The following ASCC1 variants were observed in gnomAD, a reference collection of about 807,000 sequenced individuals.
The protein encoded by ASCC1 is ASC-1 complex subunit P50.
In ASCC1, 35 loss-of-function variants were observed where a neutral mutation model predicts 46.6. The observed-to-expected ratio is 0.75, with a 90% CI of 0.57 to 0.99. The LOEUF (loss-of-function observed/expected upper bound fraction) is 0.99, where lower values mean the gene tolerates loss of function less well. Ranked by LOEUF, ASCC1 falls within the 50% of genes least tolerant of loss-of-function variation. The pLI is 0.00. For synonymous variants in ASCC1, 143 were observed against 146.6 expected (o/e 0.98, Z 0.18); for missense variants, 376 against 428.7 (o/e 0.88, Z 1.09).
chr10:72,196,670 A>G (rs1456957575), intron 5 of ASCC1, 141 bp downstream of exon 5: 17 of 848,116 alleles, frequency 2.0e-5, no homozygotes, highest in Non-Finnish European at 2.9e-5. Flanking sequence ...TTTCAGTTCA[A>G]TATAAGAAGC....
chr10:72,149,537 G>A (rs1162032091), intron 7 of ASCC1, among the ~76,000 whole-genome samples: 1 of 149,226 alleles, frequency 6.7e-6, no homozygotes, highest in Non-Finnish European at 1.5e-5. Context: ...GGTAAATACT[G>A]ACAGATACAA....
At chr10:72,137,306 A>G (rs1321669390) in intron 7 of ASCC1, among the ~76,000 whole-genome samples, 1 of 152,014 alleles carries the variant, frequency 6.6e-6, no homozygotes, top group Non-Finnish European at 1.5e-5. Context: ...AGGCGTGCAG[A>G]TCACGAGGTC....
chr10:72,197,600 G>C (rs1317319216), intron 4 of ASCC1, among the ~76,000 whole-genome samples: 1 of 151,834 alleles, frequency 6.6e-6, no homozygotes, highest in Non-Finnish European at 1.5e-5. Context: ...AAAAAGTTTG[G>C]TAATTCCTTA....
At chr10:72,119,321 A>C (rs1243966707) in intron 9 of ASCC1, among the ~76,000 whole-genome samples, 1 of 152,204 alleles carries the variant, frequency 6.6e-6, no homozygotes, top group Non-Finnish European at 1.5e-5. Flanking sequence ...ATTTTACCAG[A>C]GCCTAACCTG....
intron 5 of ASCC1, among the ~76,000 whole-genome samples, chr10:72,180,265 C>T (rs1852404878): frequency 6.7e-6 from 1 of 148,860 alleles, no homozygotes; most frequent in South Asian, 2.1e-4. Flanking sequence ...GGCAACAGAG[C>T]GAGACCCCGT....
chr10:72,135,358 G>A (rs924978502), intron 7 of ASCC1, among the ~76,000 whole-genome samples: 1 of 152,082 alleles, frequency 6.6e-6, no homozygotes, highest in African/African-American at 2.4e-5. Flanking sequence ...GAATGGGGGT[G>A]GGGGCACTAT....
intron 5 of ASCC1, among the ~76,000 whole-genome samples, chr10:72,182,945 T>G (rs1022683227): frequency 1.3e-5 from 2 of 152,018 alleles, no homozygotes; most frequent in African/African-American, 4.8e-5. Flanking sequence ...TATACTTTCT[T>G]ATGGTATATT....
At position 72,143,642 on chromosome 10, in the gene ASCC1, T is replaced by C. The variant is rs969004511; in HGVS notation, c.746+9227A>G. 1.4e-3 allele frequency among the ~76,000 whole-genome samples: 212 copies of C among 149,158 alleles called. 1 individual carries two copies. Among genetic ancestry groups the C allele is most frequent in the Non-Finnish European group, 2.1e-4 (14 of 67,548 alleles). Reference sequence around the variant, plus strand: ...TGATCTAGTATGTAATCATTTTTTTTCTACTGTTCCATGTGCCTGAAAAGA... The same window carrying C: ...TGATCTAGTATGTAATCATTTTTTTCCTACTGTTCCATGTGCCTGAAAAGA... On this transcript the variant is annotated intron_variant, in intron 7 of 9. Coordinates refer to ENST00000672957, the MANE Select transcript of ASCC1 (RefSeq NM_001198800.3).
intron 7 of ASCC1, among the ~76,000 whole-genome samples, chr10:72,139,106 T>C (rs1211155678): frequency 3.3e-5 from 5 of 149,494 alleles, no homozygotes; most frequent in African/African-American, 1.3e-4. Context: ...TATTTCTTTT[T>C]TCTTTTTCTT....
chr10:72,170,349 TTA>T (rs1850910011), intron 5 of ASCC1, among the ~76,000 whole-genome samples: 1 of 152,018 alleles, frequency 6.6e-6, no homozygotes, highest in Non-Finnish European at 1.5e-5. Context: ...GAAGGACACA[TTA>T]TCACCTATGC....
intron 4 of ASCC1, 125 bp downstream of exon 4, chr10:72,203,298 AAAAG>A: frequency 2.0e-5 from 16 of 792,984 alleles, no homozygotes; most frequent in South Asian, 3.0e-5. Flanking sequence ...AAAAAAAAAA[AAAAG>A]AAAAGAAAAA....
At chr10:72,133,914 T>G (rs1433741152) in intron 7 of ASCC1, 2 of 152,458 alleles carry the variant, frequency 1.3e-5, no homozygotes, top group African/African-American at 4.8e-5. Flanking sequence ...TTATCCCTAT[T>G]TACCAATACA....
At chr10:72,123,487 T>C (rs1199485894) in intron 9 of ASCC1, among the ~76,000 whole-genome samples, 2 of 152,102 alleles carry the variant, frequency 1.3e-5, no homozygotes, top group Non-Finnish European at 2.9e-5. Context: ...TGTACCAATG[T>C]GGTATCAGAT....
intron 2 of ASCC1, among the ~76,000 whole-genome samples, chr10:72,212,000 A>G (rs1018415330): frequency 6.6e-5 from 10 of 152,054 alleles, no homozygotes; most frequent in Admixed American, 4.6e-4. Flanking sequence ...CCTGGCCAAC[A>G]TGGTGAAACA....
intron 9 of ASCC1, chr10:72,102,415 G>A: frequency 2.6e-6 from 4 of 1,549,314 alleles, no homozygotes; most frequent in Non-Finnish European, 3.5e-6. Context: ...AGAGACACCT[G>A]TAGCACAGTT....
chr10:72,157,836 T>C (rs1376316770), intron 6 of ASCC1, among the ~76,000 whole-genome samples: 2 of 152,198 alleles, frequency 1.3e-5, no homozygotes, highest in African/African-American at 4.8e-5. Context: ...AAGTGGTGTA[T>C]TTCTTTTTGT....
chr10:72,198,629 A>T (rs1856004372), intron 4 of ASCC1: 1 of 455,812 alleles, frequency 2.2e-6, no homozygotes, highest in African/African-American at 2.0e-5. Flanking sequence ...TGTCTAGAGG[A>T]TTAAAAGCTA....
chr10:72,139,045 T>A (rs1846629152), intron 7 of ASCC1, among the ~76,000 whole-genome samples: 1 of 152,086 alleles, frequency 6.6e-6, no homozygotes. Context: ...TAAGAGAGCT[T>A]AAGGGTACTT....
chr10:72,182,363 A>G (rs1852745670), intron 5 of ASCC1, among the ~76,000 whole-genome samples: 1 of 152,176 alleles, frequency 6.6e-6, no homozygotes, highest in African/African-American at 2.4e-5. Flanking sequence ...CTCTTCCCTC[A>G]GGATGGAGCA....
Sources: gnomAD v4.1 joint callset for allele counts (sites outside exome capture counted in the v4.1 genomes callset) on GRCh38, gnomAD v4.1.1 for gene constraint, MANE v1.5 for transcripts, NCBI Gene and HGNC (gene_info 2026-07-23, HGNC 2026-07-21) for gene names.